Variants in MOSMO observed in about 807,000 individuals in gnomAD.
The protein encoded by MOSMO is modulator of smoothened protein.
MOSMO carries 5 observed loss-of-function variants against 18.4 expected under a neutral mutation model. That is an observed-to-expected ratio of 0.27 (90% CI 0.14 to 0.57). The LOEUF (loss-of-function observed/expected upper bound fraction) is 0.57. Ranked by LOEUF, MOSMO falls within the 20% of genes least tolerant of loss-of-function variation. MOSMO has a pLI of 0.92. For missense variants in MOSMO, 138 were observed against 211.8 expected (o/e 0.65, Z 2.16); for synonymous variants, 82 against 82.3 (o/e 1.00, Z 0.02).
intron 1 of MOSMO, among the ~76,000 whole-genome samples, chr16:22,045,184 C>CA (rs1207459889): frequency 0.017 from 1,938 of 115,864 alleles, 15 homozygotes; most frequent in Non-Finnish European, 0.023. Flanking sequence ...GACATTGTCT[C>CA]AAAAAAAAAA....
intron 1 of MOSMO, among the ~76,000 whole-genome samples, chr16:22,020,052 A>C (rs1314888074): frequency 1.3e-5 from 2 of 151,602 alleles, no homozygotes; most frequent in Non-Finnish European, 2.9e-5. Flanking sequence ...CATCTCTACT[A>C]AAAATACAAA....
At chr16:22,043,790 A>G (rs1900254769) in intron 1 of MOSMO, among the ~76,000 whole-genome samples, 2 of 152,210 alleles carry the variant, frequency 1.3e-5, no homozygotes, top group Non-Finnish European at 2.9e-5. Context: ...CCTTAAATAT[A>G]TGATCAGTTT....
chr16:22,028,768 G>A (rs1223516775), intron 1 of MOSMO, among the ~76,000 whole-genome samples: 2 of 151,994 alleles, frequency 1.3e-5, no homozygotes, highest in Non-Finnish European at 2.9e-5. Flanking sequence ...CATGTTTTAT[G>A]TTCTCCCATG....
chr16:22,075,789 C>T (rs2141780629), intron 2 of MOSMO, 90 bp downstream of exon 2: 1 of 918,672 alleles, frequency 1.1e-6, no homozygotes, highest in East Asian at 2.7e-5. Flanking sequence ...GTAATAAGGA[C>T]TTCATAATCA....
chr16:22,071,639 T>C (rs1294337384), intron 1 of MOSMO, among the ~76,000 whole-genome samples: 1 of 152,232 alleles, frequency 6.6e-6, no homozygotes, highest in Admixed American at 6.5e-5. Context: ...TTGTGTGTTA[T>C]GCTGCACAGG....
chr16:22,062,266 A>AAAAT (rs145348969), intron 1 of MOSMO, among the ~76,000 whole-genome samples: 3 of 124,360 alleles, frequency 2.4e-5, no homozygotes, highest in African/African-American at 1.1e-4. Flanking sequence ...AAATATATAA[A>AAAAT]AAAGAGAAAG....
intron 1 of MOSMO, among the ~76,000 whole-genome samples, chr16:22,043,192 T>C (rs1215317467): frequency 6.6e-6 from 1 of 152,200 alleles, no homozygotes; most frequent in African/African-American, 2.4e-5. Flanking sequence ...TTTAACTGTC[T>C]TAGGCCATTA....
At chr16:22,023,408 C>A (rs1475163107) in intron 1 of MOSMO, among the ~76,000 whole-genome samples, 1 of 152,154 alleles carries the variant, frequency 6.6e-6, no homozygotes, top group Non-Finnish European at 1.5e-5. Flanking sequence ...AAGTGGACCA[C>A]CCTGTATTGA....
chr16:22,069,780 C>T (rs1364644094), intron 1 of MOSMO, among the ~76,000 whole-genome samples: 1 of 152,082 alleles, frequency 6.6e-6, no homozygotes, highest in Admixed American at 6.6e-5. Context: ...GAAATCTGGC[C>T]ATGGCTGGGG....
intron 1 of MOSMO, among the ~76,000 whole-genome samples, chr16:22,072,030 C>T (rs1159358952): frequency 6.6e-6 from 1 of 152,068 alleles, no homozygotes; most frequent in East Asian, 1.9e-4. Context: ...GTGGAAGGTG[C>T]AGTTCCCTCC....
chr16:22,023,366 T>A (rs1209168583), intron 1 of MOSMO, among the ~76,000 whole-genome samples: 6 of 152,196 alleles, frequency 3.9e-5, no homozygotes, highest in Non-Finnish European at 8.8e-5. Flanking sequence ...CCATTTAGAA[T>A]TGCACCATTA....
chr16:22,060,425 C>G (rs1002237886), intron 1 of MOSMO, among the ~76,000 whole-genome samples: 2 of 152,108 alleles, frequency 1.3e-5, no homozygotes, highest in Non-Finnish European at 2.9e-5. Flanking sequence ...TGTTCTATAT[C>G]ATTAAACATT....
chr16:22,079,698 T>C (rs1454343361), intron 2 of MOSMO, among the ~76,000 whole-genome samples: 1 of 152,244 alleles, frequency 6.6e-6, no homozygotes, highest in African/African-American at 2.4e-5. Flanking sequence ...TGGAATATTA[T>C]CCATGATAAG....
chr16:22,064,570 A>G (rs1445464067), intron 1 of MOSMO: 1 of 382,192 alleles, frequency 2.6e-6, no homozygotes, highest in Non-Finnish European at 5.3e-6. Flanking sequence ...GGTTTATGCT[A>G]ATTTCTTTGG....
In MOSMO at chr16:22,071,172, C is replaced by T. The variant is rs902999316; in HGVS notation, c.107-4315C>T. 2.6e-5 allele frequency among the ~76,000 whole-genome samples: 4 copies of T among 152,160 alleles called. No individual in the cohort carries two copies. The East Asian group carries it at 5.8e-4, about 22-fold the overall frequency. On this transcript the variant is annotated intron_variant, in intron 1 of 2. Transcript: ENST00000542527. ...AGGAGGAAGTAGAGCAAGAGATCCA[C>T]ATCTGTGGTAGGGATTGGGCACTCC...
At chr16:22,052,558 G>C (rs1343456111) in intron 1 of MOSMO, among the ~76,000 whole-genome samples, 10 of 152,146 alleles carry the variant, frequency 6.6e-5, no homozygotes, top group Non-Finnish European at 5.9e-5. Flanking sequence ...TGACAGAAAT[G>C]TTCATAGTGC....
intron 1 of MOSMO, among the ~76,000 whole-genome samples, chr16:22,074,010 T>C (rs1900912794): frequency 6.6e-6 from 1 of 152,192 alleles, no homozygotes; most frequent in South Asian, 2.1e-4. Context: ...ATTTCTTGTT[T>C]CATTTTATTT....
chr16:22,087,446 C>T (rs750162906), downstream of MOSMO: 10 of 152,106 alleles, frequency 6.6e-5, 1 homozygote, highest in Non-Finnish European at 1.3e-4. Context: ...TATGTTCTGA[C>T]CTCTGGCACT....
chr16:22,075,715 T>C lies in MOSMO; in HGVS notation c.319+16T>C. 6.5e-7 allele frequency: 1 copy of C among 1,531,132 alleles called. No individual in the cohort carries two copies. Among genetic ancestry groups the C allele is most frequent in the South Asian group, 1.2e-5 (1 of 83,682 alleles). 94.8% of individuals were successfully genotyped at this position (1,531,132 alleles called of 1,614,324 possible). A position where few individuals can be genotyped will look rare whatever the true frequency, so the allele number is the denominator to read the frequency against. On this transcript the variant is annotated intron_variant, in intron 2 of 2. Coordinates refer to ENST00000542527, the MANE Select transcript of MOSMO (RefSeq NM_001164579.2). ...TTCACTGGAAGTAAGTAACCTGTGC[T>C]TACTAAATTTGTCTAGAAGGCACCC... is the stretch of plus-strand genomic sequence containing the variant.
Sources: allele counts gnomAD v4.1 joint callset (sites outside exome capture counted in the v4.1 genomes callset), GRCh38; gene constraint gnomAD v4.1.1; transcripts MANE v1.5; gene names NCBI Gene and HGNC (gene_info 2026-07-23, HGNC 2026-07-21).